CTDP1: variants seen among roughly 807,000 people sequenced by gnomAD.
CTDP1 encodes CTD phosphatase 1.
Under a neutral mutation model 91.8 loss-of-function variants are expected in CTDP1, and 47 were observed. That is an observed-to-expected ratio of 0.51 (90% CI 0.41 to 0.65). CTDP1 has a LOEUF of 0.65. Ranked by LOEUF, CTDP1 falls within the 30% of genes least tolerant of loss-of-function variation. CTDP1 has a pLI of 0.00. For synonymous variants in CTDP1, 656 were observed against 598.5 expected, an observed-to-expected ratio of 1.10 and a Z score of -1.40; for missense variants, 1,272 against 1,373.7, an observed-to-expected ratio of 0.93 and a Z score of 1.17.
intron 12 of CTDP1, among the ~76,000 whole-genome samples, chr18:79,744,196 C>A (rs2086835551): frequency 6.6e-6 from 1 of 152,234 alleles, no homozygotes; most frequent in African/African-American, 2.4e-5. Context: ...TACATATGTT[C>A]TTTCATGTCT....
rs1329743840 is a variant in CTDP1 at position 79,736,541 on chromosome 18, T to A, written c.2747+20T>A. The A allele has an allele frequency of 2.0e-6, 3 of 1,522,390 alleles. No individual in the cohort carries two copies. Among genetic ancestry groups the A allele is most frequent in the Non-Finnish European group, 2.7e-6 (3 of 1,131,280 alleles). The allele number at this position is 1,522,390 out of a possible 1,614,324, so 94.3% of individuals were successfully genotyped here. ...GCCCAGGTGAGTGCGGGGTCTGAGG[T>A]GGGAGGGGCCTGACACGGGCTCCCG... On this transcript the variant is annotated intron_variant, in intron 12 of 12. Transcript: ENST00000613122.
At chr18:79,693,381 T>A (rs950480796) in intron 1 of CTDP1, among the ~76,000 whole-genome samples, 9 of 152,208 alleles carry the variant, frequency 5.9e-5, no homozygotes, top group Non-Finnish European at 1.2e-4. Flanking sequence ...ATCATACTTG[T>A]CACCTTAGAA....
chr18:79,727,759 T>G (rs1266817276), intron 10 of CTDP1, among the ~76,000 whole-genome samples: 2 of 152,048 alleles, frequency 1.3e-5, no homozygotes, highest in African/African-American at 4.8e-5. Flanking sequence ...CCCGAGCGAG[T>G]TGGTATCTGG....
chr18:79,753,262 G>C (rs1384115295), intron 12 of CTDP1, among the ~76,000 whole-genome samples: 1 of 152,260 alleles, frequency 6.6e-6, no homozygotes, highest in East Asian at 1.9e-4. Flanking sequence ...TGGCCCACTT[G>C]ATGAGCTGGG....
At chr18:79,680,579 G>A (rs1254444612) in intron 1 of CTDP1, among the ~76,000 whole-genome samples, 1 of 152,248 alleles carries the variant, frequency 6.6e-6, no homozygotes, top group Non-Finnish European at 1.5e-5. Context: ...TGTGACTTAG[G>A]AAAACTCATG....
At chr18:79,736,727 G>A (rs180702230) in intron 12 of CTDP1, among the ~76,000 whole-genome samples, 59 of 135,320 alleles carry the variant, frequency 4.4e-4, no homozygotes, top group African/African-American at 1.2e-3. Flanking sequence ...GTGTGCAGGC[G>A]TGTGAGGTGT....
intron 1 of CTDP1, among the ~76,000 whole-genome samples, chr18:79,689,895 C>T (rs764584020): frequency 1.3e-4 from 20 of 152,180 alleles, no homozygotes; most frequent in Non-Finnish European, 2.2e-4. Context: ...CTGTGGCCGG[C>T]GGGATCCCCG....
At chr18:79,736,887 C>T (rs1290544782) in intron 12 of CTDP1, among the ~76,000 whole-genome samples, 6 of 103,348 alleles carry the variant, frequency 5.8e-5, no homozygotes, top group South Asian at 8.9e-4. Context: ...TGCGCACAGG[C>T]GTGTGTGGGT....
At chr18:79,733,809 G>A (rs2086614287) in intron 11 of CTDP1, among the ~76,000 whole-genome samples, 1 of 152,314 alleles carries the variant, frequency 6.6e-6, no homozygotes, top group East Asian at 1.9e-4. Context: ...GGTCGTGCAA[G>A]GAGGTTGGTA....
chr18:79,717,688 C>A lies in CTDP1; in HGVS notation c.2210+12C>A, dbSNP rs772810888. On this transcript the variant is annotated intron_variant, in intron 9 of 12. Coordinates refer to ENST00000613122, the MANE Select transcript of CTDP1 (RefSeq NM_004715.5). ...ACCAAGGCACAGAGGTGGGTCCTCG[C>A]TGCACCCAGCAGGTCCGTGCCAGGC... The A allele has an allele frequency of 6.2e-7, 1 of 1,614,010 alleles. No homozygotes were observed. The highest frequency in any genetic ancestry group is 1.3e-5 in the African/African-American group (1 of 75,042).
rs533512273 is a variant in CTDP1, at chr18:79,748,343, T to C, written c.2748-5309T>C. Among the ~76,000 whole-genome samples the C allele has an allele frequency of 7.0e-4, 106 of 152,184 alleles. 1 individual carries two copies. In the East Asian group the frequency reaches 0.012, roughly 17 times the overall value. On this transcript the variant is annotated intron_variant, in intron 12 of 12. Transcript: ENST00000613122. ...CTTCATCACGGAGCGAGACCGAGGG[T>C]GCAGCATTCGCAGCACCAGGAGGGA...
upstream of CTDP1, chr18:79,679,286 G>C (rs568362439): frequency 5.2e-6 from 2 of 385,212 alleles, no homozygotes; most frequent in African/African-American, 4.6e-5. Flanking sequence ...CGTGGGGTCC[G>C]GGGGGGGACA....
intron 10 of CTDP1, among the ~76,000 whole-genome samples, chr18:79,721,874 A>G (rs2086351568): frequency 6.7e-6 from 1 of 149,728 alleles, no homozygotes; most frequent in East Asian, 2.0e-4. Context: ...TCCAGGCTGG[A>G]GTGCAGTGGT....
chr18:79,707,929 T>C (rs940530008), intron 5 of CTDP1, among the ~76,000 whole-genome samples: 1 of 152,260 alleles, frequency 6.6e-6, no homozygotes, highest in African/African-American at 2.4e-5. Context: ...GAGTTTGCGA[T>C]GCGTGTCTTT....
intron 4 of CTDP1, among the ~76,000 whole-genome samples, chr18:79,704,326 G>A (rs1245974817): frequency 2.0e-5 from 3 of 151,836 alleles, no homozygotes; most frequent in Admixed American, 6.6e-5. Flanking sequence ...GTGGAGGGGC[G>A]GGTGCAAACG....
At chr18:79,695,855 T>A (rs2085735553) in intron 2 of CTDP1, 122 bp from the exon 3 acceptor site, 1 of 807,544 alleles carries the variant, frequency 1.2e-6, no homozygotes, top group Non-Finnish European at 2.1e-6. Flanking sequence ...GAATCAAGTC[T>A]GTGCTAAGAT....
upstream of CTDP1, chr18:79,679,095 C>A (rs2085295751): frequency 6.9e-6 from 2 of 288,942 alleles, no homozygotes; most frequent in South Asian, 2.7e-5. Context: ...ACTGAGACCA[C>A]GCGCCGGTGC....
At position 79,726,798 on chromosome 18, in the gene CTDP1, G is replaced by T. The variant is rs1476293684; in HGVS notation, c.2418-2109G>T. On this transcript the variant is annotated intron_variant, in intron 10 of 12. Transcript: ENST00000613122. ...TTGCTGGTGGACGGCTGTGGGGGAA[G>T]GGGGTGACGCTGTTGCTGGTGGACG... Among the ~76,000 whole-genome samples, 246 of 118,444 alleles carry T rather than the reference G, an allele frequency of 2.1e-3. 3 individuals carry two copies. The East Asian group carries it at 0.027, about 13-fold the overall frequency. 77.7% of individuals were successfully genotyped at this position (118,444 alleles called of 152,430 possible).
At chr18:79,724,082 A>G (rs914468539) in intron 10 of CTDP1, among the ~76,000 whole-genome samples, 3 of 152,212 alleles carry the variant, frequency 2.0e-5, no homozygotes, top group Admixed American at 6.5e-5. Context: ...AAAATTGGGA[A>G]TGCTCCAAGG....
Sources: allele counts gnomAD v4.1 joint callset (sites outside exome capture counted in the v4.1 genomes callset), GRCh38; gene constraint gnomAD v4.1.1; transcripts MANE v1.5; gene names NCBI Gene and HGNC (gene_info 2026-07-23, HGNC 2026-07-21).